MGAM: variants seen among roughly 807,000 people sequenced by gnomAD.
The protein encoded by MGAM is maltase-glucoamylase.
MGAM carries 253 observed loss-of-function variants against 358.8 expected under a neutral mutation model. The observed-to-expected ratio is 0.71, with a 90% CI of 0.64 to 0.78. The LOEUF (loss-of-function observed/expected upper bound fraction) is 0.78. Among genes scored for constraint, MGAM ranks in the 30% least tolerant of loss-of-function variants. The probability of loss-of-function intolerance (pLI) is 0.00; values close to 1 mark genes in which losing one functional copy is unlikely to be tolerated. For missense variants in MGAM, 3,080 were observed against 3,432.6 expected, an observed-to-expected ratio of 0.90 and a Z score of 2.57; for synonymous variants, 1,105 against 1,227.1, an observed-to-expected ratio of 0.90 and a Z score of 2.08.
At chr7:142,005,787 GTT>G in intron 2 of MGAM, 130 bp downstream of exon 2, 1 of 872,430 alleles carries the variant, frequency 1.1e-6, no homozygotes, top group East Asian at 2.9e-5. Context: ...ATATGTGTGT[GTT>G]CTATGTGTTT....
chr7:142,034,806 G>A lies in MGAM; in HGVS notation c.1924G>A (p.Gly642Ser), dbSNP rs1201549873. Residue 642 changes from glycine to serine, a missense_variant, in exon 16 of 71, where the codon GGC becomes AGC. This residue lies in a region of MGAM where 1,816 missense variants were observed against 1,840.5 expected (regional missense o/e 0.99). Transcript: ENST00000475668. ...GGATGACCTGAGATGGTCCATCCCT[G>A]GCGTGCTTGAGTTCAACCTTTTTGG... ...TWDDLRWSIP[G>S]VLEFNLFGIP... 2 of 1,613,194 alleles carry A rather than the reference G, an allele frequency of 1.2e-6. No individual in the cohort carries two copies. The highest frequency in any genetic ancestry group is 1.7e-6 in the Non-Finnish European group (2 of 1,179,460).
chr7:142,024,944 C>T (rs1380833259), intron 7 of MGAM, 106 bp from the exon 8 acceptor site: 1 of 714,200 alleles, frequency 1.4e-6, no homozygotes, highest in Admixed American at 2.4e-5. Flanking sequence ...CCCTGAATGT[C>T]CTGTCAATTA....
At chr7:142,073,978 C>T in intron 44 of MGAM, 107 bp from the exon 45 acceptor site, 6 of 811,318 alleles carry the variant, frequency 7.4e-6, no homozygotes, top group Non-Finnish European at 1.2e-5. Context: ...ACAGAACCAT[C>T]TGCTGCTAGT....
In MGAM at chr7:142,027,553, A is replaced by C. The variant is rs1554461397; in HGVS notation, c.1096-57A>C. The C allele has an allele frequency of 2.5e-6, 4 of 1,599,424 alleles. No homozygotes were observed. In the African/African-American group the frequency reaches 5.4e-5, roughly 21 times the overall value. On this transcript the variant is annotated intron_variant, in intron 9 of 70. Transcript: ENST00000475668. ...TGGTGCTCTGAAAGCAATGCTTCGA[A>C]AAATTTTTATTAAAAACAGAGTATT... is the stretch of plus-strand genomic sequence containing the variant.
chr7:142,036,931 C>T lies in MGAM; in HGVS notation c.2185C>T (p.Arg729Cys), dbSNP rs375055229. ...GCCCTACCTATACACCCTCTTCTTC[C>T]GTGCTCACAGCCGAGGGGACACGGT... Reference protein sequence around the residue: ...LLPYLYTLFFRAHSRGDTVAR... With the variant: ...LLPYLYTLFFCAHSRGDTVAR... The change falls in exon 18 of 71, where the codon CGT becomes TGT. Residue 729 changes from arginine (R) to cysteine (C), a missense_variant. Around this residue, in one of 5 missense-constraint regions of MGAM, gnomAD observed 1,816 missense variants for 1,840.5 expected, o/e 0.99. Coordinates refer to ENST00000475668, the MANE Select transcript of MGAM (RefSeq NM_001365693.1). The T allele has an allele frequency of 4.0e-5, 65 of 1,613,578 alleles. No individual in the cohort carries two copies. In the Middle Eastern group the frequency reaches 4.9e-4, roughly 12 times the overall value.
intron 2 of MGAM, among the ~76,000 whole-genome samples, chr7:141,989,635 A>T (rs1313035741): frequency 2.0e-5 from 3 of 151,434 alleles, no homozygotes; most frequent in Non-Finnish European, 2.9e-5. Flanking sequence ...AGCTCCCTGC[A>T]GCCTCAAACT....
chr7:141,987,228 C>T (rs1554446390), intron 2 of MGAM, among the ~76,000 whole-genome samples: 2 of 152,082 alleles, frequency 1.3e-5, no homozygotes, highest in Non-Finnish European at 2.9e-5. Context: ...TTAACTTGTA[C>T]CTTGGCCTTC....
At chr7:142,053,010 G>A (rs1360876593) in intron 26 of MGAM, 26 bp downstream of exon 26, 5 of 1,607,726 alleles carry the variant, frequency 3.1e-6, no homozygotes, top group Non-Finnish European at 1.7e-6. Context: ...GTATCAGGTA[G>A]TGATTAGACC....
rs1554463062 is a variant in MGAM at position 142,030,646 on chromosome 7, A to G, written c.1359A>G (p.Pro453=). The G allele has an allele frequency of 6.2e-7, 1 of 1,611,634 alleles. No homozygotes were observed. The highest frequency in any genetic ancestry group is 1.7e-5 in the Admixed American group (1 of 59,978). ...TGTATTCTTCCTATTTTTAGGATCC[A>G]GCCATCTCCAACAACTCTTCCTCAA... is the stretch of plus-strand genomic sequence containing the variant. ...NGQKLVIIVD[P]AISNNSSSSK... is the part of the protein sequence containing the mutation. The change falls in exon 12 of 71, where the codon CCA becomes CCG. Residue 453 remains proline (P), a synonymous_variant. Transcript: ENST00000475668.
intron 64 of MGAM, 73 bp downstream of exon 64, chr7:142,095,786 T>C (rs1035886044): frequency 1.9e-6 from 3 of 1,582,012 alleles, no homozygotes; most frequent in Non-Finnish European, 2.6e-6. Context: ...GTTGAATTCT[T>C]CCAAATTAAA....
intron 55 of MGAM, 60 bp downstream of exon 55, chr7:142,086,021 AAAGTGT>A (rs1814719978): frequency 2.6e-6 from 4 of 1,530,026 alleles, no homozygotes; most frequent in Non-Finnish European, 3.6e-6. Flanking sequence ...TTTGTTGGAG[AAAGTGT>A]TATACTTTAT....
rs1456138185 is a variant in MGAM at position 142,051,841 on chromosome 7, C to T, written c.2806-453C>T. Among the ~76,000 whole-genome samples, 5 of 152,116 alleles carry T rather than the reference C, an allele frequency of 3.3e-5. 1 individual carries two copies. The highest frequency in any genetic ancestry group is 3.3e-4 in the Admixed American group (5 of 15,268). On this transcript the variant is annotated intron_variant, in intron 24 of 70. Transcript: ENST00000475668. ...TTAAAAAAAGAAATCATTTGTCCAA[C>T]ATTCTACAGAAATGTGGGCATGATA...
intron 21 of MGAM, among the ~76,000 whole-genome samples, chr7:142,042,028 A>C (rs1808812078): frequency 4.3e-5 from 1 of 23,060 alleles, no homozygotes; most frequent in Non-Finnish European, 6.4e-5. Flanking sequence ...TATATATATT[A>C]TATTATATAC....
At chr7:142,018,941 T>G (rs1157032715) in intron 3 of MGAM, among the ~76,000 whole-genome samples, 7 of 132,548 alleles carry the variant, frequency 5.3e-5, no homozygotes, top group African/African-American at 2.6e-4. Context: ...ATTTATGAGT[T>G]TTTTTTTTTG....
At chr7:142,088,464 C>T (rs74566760) in intron 57 of MGAM, among the ~76,000 whole-genome samples, 2,263 of 76,260 alleles carry the variant, frequency 0.03, 96 homozygotes, top group African/African-American at 0.15. Flanking sequence ...TATGTATGTA[C>T]GTATCTATCT....
intron 37 of MGAM, among the ~76,000 whole-genome samples, 168 bp downstream of exon 37, chr7:142,064,690 G>A (rs906332675): frequency 6.6e-6 from 1 of 152,094 alleles, no homozygotes; most frequent in Non-Finnish European, 1.5e-5. Context: ...ATGGAGCCAG[G>A]CCCTGTGATT....
chr7:142,099,715 C>T lies in MGAM; in HGVS notation c.7852C>T (p.Pro2618Ser), dbSNP rs760600176. The change falls in exon 67 of 71, where the codon CCT (proline) becomes TCT (serine). Residue 2618 changes from proline to serine, a missense_variant. Pro to Ser is a moderately conservative substitution (Grantham distance 74). Transcript: ENST00000475668. ...RGGYILPWQE[P>S]ALNTHLSRQK... ...GGGCTACATCCTGCCCTGGCAAGAG[C>T]CTGCACTGAACACCCACTTAAGGTA... is the stretch of plus-strand genomic sequence containing the variant. 14 of 1,613,854 alleles carry T rather than the reference C, an allele frequency of 8.7e-6. No individual in the cohort carries two copies. The highest frequency in any genetic ancestry group is 1.2e-5 in the Non-Finnish European group (14 of 1,179,878).
At chr7:142,045,031 C>T (rs575870919) in intron 21 of MGAM, among the ~76,000 whole-genome samples, 2 of 86,062 alleles carry the variant, frequency 2.3e-5, no homozygotes, top group Admixed American at 1.7e-4. Flanking sequence ...ATATTGTATA[C>T]ACGTGTAATA....
intron 1 of MGAM, among the ~76,000 whole-genome samples, chr7:142,001,559 G>T (rs1804735882): frequency 1.3e-5 from 2 of 152,180 alleles, no homozygotes; most frequent in African/African-American, 4.8e-5. Flanking sequence ...AGCAAGCATT[G>T]GTGGGTTGGT....
Sources: gnomAD v4.1 joint callset for allele counts (sites outside exome capture counted in the v4.1 genomes callset) on GRCh38, gnomAD v4.1.1 for gene constraint, gnomAD v4.1.1 regional missense constraint, MANE v1.5 for transcripts, NCBI Gene and HGNC (gene_info 2026-07-23, HGNC 2026-07-21) for gene names.